PRKCH: variants seen among roughly 807,000 people sequenced by gnomAD.
PRKCH encodes protein kinase C eta, also known as protein kinase C eta type.
A neutral mutation model predicts 82.5 loss-of-function variants in PRKCH; 28 were observed. The ratio of observed to expected loss-of-function variants is 0.34; its 90% CI spans 0.25 to 0.47. The LOEUF (loss-of-function observed/expected upper bound fraction) is 0.47. Ranked by LOEUF, PRKCH falls within the 20% of genes least tolerant of loss-of-function variation. The pLI, the probability that PRKCH is intolerant of heterozygous loss-of-function variation, is 1.00. For synonymous variants in PRKCH, 322 were observed against 327.4 expected (o/e 0.98, Z 0.18); for missense variants, 705 against 881.8 (o/e 0.80, Z 2.54).
chr14:61,364,992 C>G (rs1393061021), intron 1 of PRKCH, among the ~76,000 whole-genome samples: 15 of 151,958 alleles, frequency 9.9e-5, no homozygotes, highest in Admixed American at 9.8e-4. Context: ...GTGATGTAGT[C>G]TCCAAGGTAG....
In PRKCH at chr14:61,433,043, C is replaced by CAAAAAAAAAAAAA. The variant is rs34477992; in HGVS notation, c.428-10062_428-10050dup. On this transcript the variant is annotated intron_variant, in intron 2 of 13. Coordinates refer to ENST00000332981, the MANE Select transcript of PRKCH (RefSeq NM_006255.5). ...CCCTCCCCTCACCCCCCAACCTCTT[C>CAAAAAAAAAAAAA]AAAAAAAAAAAAAAAAAACTATCAA... is the stretch of plus-strand genomic sequence containing the variant. Among the ~76,000 whole-genome samples the CAAAAAAAAAAAAA allele has an allele frequency of 1.0e-2, 1,105 of 110,820 alleles. 39 individuals are homozygous for CAAAAAAAAAAAAA. Among genetic ancestry groups the CAAAAAAAAAAAAA allele is most frequent in the African/African-American group, 0.038 (1,019 of 26,760 alleles). 72.7% of individuals were successfully genotyped at this position (110,820 alleles called of 152,430 possible). A position where few individuals can be genotyped will look rare whatever the true frequency, so the allele number is the denominator to read the frequency against.
chr14:61,356,056 CG>C (rs2046143893), intron 1 of PRKCH, among the ~76,000 whole-genome samples: 1 of 152,146 alleles, frequency 6.6e-6, no homozygotes, highest in Non-Finnish European at 1.5e-5. Flanking sequence ...TCCAGAGAAC[CG>C]GAAGAGCAGG....
At chr14:61,265,053 G>C (rs80123907) in intron 1 of PRKCH, among the ~76,000 whole-genome samples, 6,840 of 152,172 alleles carry the variant, frequency 0.045, 217 homozygotes, top group Middle Eastern at 0.078. Flanking sequence ...TTTTTTAAAG[G>C]TTAGAAGTTG....
chr14:61,238,294 T>C (rs929032922), intron 1 of PRKCH, among the ~76,000 whole-genome samples: 3 of 152,330 alleles, frequency 2.0e-5, no homozygotes, highest in African/African-American at 7.2e-5. Flanking sequence ...CCCACTCTTG[T>C]GCAAAAGGCC....
At chr14:61,247,922 C>A (rs538842293) in intron 1 of PRKCH, among the ~76,000 whole-genome samples, 60 of 152,132 alleles carry the variant, frequency 3.9e-4, no homozygotes, top group Non-Finnish European at 1.0e-4. Context: ...ACCTCCATGT[C>A]CCCATGGGCC....
At chr14:61,412,118 A>C (rs752943007) in intron 2 of PRKCH, among the ~76,000 whole-genome samples, 1 of 152,220 alleles carries the variant, frequency 6.6e-6, no homozygotes, top group East Asian at 1.9e-4. Flanking sequence ...CTATCACTCA[A>C]TAGGCAAAAA....
Position 61,550,808 on chromosome 14 carries a change from C to A in PRKCH, c.*977C>A, listed in dbSNP as rs569649133. 1 of 152,076 alleles carries A rather than the reference C, an allele frequency of 6.6e-6. No individual in the cohort carries two copies. The highest frequency in any genetic ancestry group is 1.5e-5 in the Non-Finnish European group (1 of 68,024). The allele number at this position is 152,076 out of a possible 1,614,324, so 9.4% of individuals were successfully genotyped here. On this transcript the variant is annotated 3_prime_UTR_variant, in exon 14 of 14. Transcript: ENST00000332981. ...CAGATTTGTGGCTTATAAACATTAGCAGTTTATTTATGTTTTAAGATGCAA... is the reference window on the plus strand; with the variant it reads ...CAGATTTGTGGCTTATAAACATTAGAAGTTTATTTATGTTTTAAGATGCAA...
At chr14:61,269,556 C>T (rs2140085066) in intron 1 of PRKCH, among the ~76,000 whole-genome samples, 1 of 152,294 alleles carries the variant, frequency 6.6e-6, no homozygotes, top group South Asian at 2.1e-4. Flanking sequence ...CGTTGTTCCC[C>T]TCTATGCGTC....
chr14:61,548,738 C>T (rs1245062282), intron 13 of PRKCH, among the ~76,000 whole-genome samples: 1 of 151,782 alleles, frequency 6.6e-6, no homozygotes, highest in Non-Finnish European at 1.5e-5. Flanking sequence ...TGATGCACAC[C>T]TCTAATCCCT....
At chr14:61,333,705 T>TA (rs953958709) in intron 1 of PRKCH, among the ~76,000 whole-genome samples, 3 of 152,138 alleles carry the variant, frequency 2.0e-5, no homozygotes, top group African/African-American at 7.2e-5. Flanking sequence ...GATGAAAACT[T>TA]AAAAAAACAA....
chr14:61,549,174 A>G (rs1346423577), intron 13 of PRKCH, among the ~76,000 whole-genome samples: 1 of 152,182 alleles, frequency 6.6e-6, no homozygotes, highest in Admixed American at 6.5e-5. Flanking sequence ...GGCGTAACGC[A>G]TCTACCTAGA....
intron 1 of PRKCH, among the ~76,000 whole-genome samples, chr14:61,284,995 C>G (rs2045302120): frequency 6.6e-6 from 1 of 152,104 alleles, no homozygotes; most frequent in Admixed American, 6.6e-5. Context: ...ATAGGTCTAT[C>G]ATATTTAACT....
At chr14:61,277,722 G>A (rs2045216513) in intron 1 of PRKCH, 1 of 152,112 alleles carries the variant, frequency 6.6e-6, no homozygotes, top group South Asian at 2.1e-4. Flanking sequence ...CAGTATTTGA[G>A]GACTATCTAG....
chr14:61,227,744 C>T (rs74876374), intron 1 of PRKCH, among the ~76,000 whole-genome samples: 2,309 of 151,768 alleles, frequency 0.015, 42 homozygotes, highest in African/African-American at 0.043. Context: ...TGGCAAAAAC[C>T]GTGATTATTT....
At chr14:61,472,732 C>A (rs540823135) in intron 9 of PRKCH, among the ~76,000 whole-genome samples, 50 of 152,180 alleles carry the variant, frequency 3.3e-4, no homozygotes, top group African/African-American at 1.2e-3. Flanking sequence ...AACAACAAAA[C>A]AAAAAGTAGA....
chr14:61,427,486 T>C (rs1043923378), intron 2 of PRKCH, among the ~76,000 whole-genome samples: 1 of 152,194 alleles, frequency 6.6e-6, no homozygotes, highest in African/African-American at 2.4e-5. Flanking sequence ...TCTTTACGGA[T>C]GCAAATTTTC....
intron 1 of PRKCH, chr14:61,307,118 G>A (rs1008500427): frequency 6.6e-6 from 1 of 152,092 alleles, no homozygotes; most frequent in Non-Finnish European, 1.5e-5. Flanking sequence ...CAACAACAGG[G>A]CCGGGTGCAG....
chr14:61,511,487 C>T (rs1196562072), intron 10 of PRKCH, among the ~76,000 whole-genome samples: 1 of 152,190 alleles, frequency 6.6e-6, no homozygotes, highest in African/African-American at 2.4e-5. Context: ...TGGCTCAAGT[C>T]CTCACCTCTG....
At chr14:61,505,344 G>A (rs941047672) in intron 10 of PRKCH, among the ~76,000 whole-genome samples, 10 of 149,862 alleles carry the variant, frequency 6.7e-5, no homozygotes, top group African/African-American at 2.2e-4. Context: ...TTCACATGGT[G>A]GAAGCCGTGA....
Sources: gnomAD v4.1 joint callset for allele counts (sites outside exome capture counted in the v4.1 genomes callset) on GRCh38, gnomAD v4.1.1 for gene constraint, MANE v1.5 for transcripts, NCBI Gene and HGNC (gene_info 2026-07-23, HGNC 2026-07-21) for gene names.